The following TMEM117 variants were observed in gnomAD, a reference collection of about 807,000 sequenced individuals.
TMEM117 encodes the protein transmembrane protein 117.
A neutral mutation model predicts 52.4 loss-of-function variants in TMEM117; 27 were observed. That is an observed-to-expected ratio of 0.51 (90% confidence interval 0.38 to 0.71). The LOEUF (loss-of-function observed/expected upper bound fraction) is 0.71, where lower values mean the gene tolerates loss of function less well. Among genes scored for constraint, TMEM117 ranks in the 30% least tolerant of loss-of-function variants. The pLI, the probability that TMEM117 is intolerant of heterozygous loss-of-function variation, is 0.00. For missense variants in TMEM117, 556 were observed against 630.5 expected (o/e 0.88, Z 1.26); for synonymous variants, 215 against 206.3 (o/e 1.04, Z -0.36).
chr12:43,854,739 C>T lies in TMEM117; in HGVS notation c.277+9811C>T, dbSNP rs539287485. Among the ~76,000 whole-genome samples, 6 of 152,034 alleles carry T rather than the reference C, an allele frequency of 3.9e-5. No homozygotes were observed. The South Asian group carries it at 8.3e-4, about 21-fold the overall frequency. On this transcript the variant is annotated intron_variant, in intron 2 of 7. Coordinates refer to ENST00000266534, the MANE Select transcript of TMEM117 (RefSeq NM_032256.3). ...GCAACCTCTGCCTCTCAGGTTCAAG[C>T]GATTCTCCTGCCTCAGCCTCCTGAG...
chr12:44,106,224 G>C (rs972799285), intron 3 of TMEM117, among the ~76,000 whole-genome samples: 2 of 152,010 alleles, frequency 1.3e-5, no homozygotes, highest in Admixed American at 1.3e-4. Flanking sequence ...CTTGCTGTTA[G>C]GATGGTGTAA....
At chr12:44,263,154 T>C (rs1201977763) in intron 5 of TMEM117, among the ~76,000 whole-genome samples, 1 of 152,198 alleles carries the variant, frequency 6.6e-6, no homozygotes, top group East Asian at 1.9e-4. Flanking sequence ...AATAATATCG[T>C]GAAATAAATT....
At position 44,039,960 on chromosome 12, in the gene TMEM117, T is replaced by G. The variant is rs558381785; in HGVS notation, c.410+95618T>G. On this transcript the variant is annotated intron_variant, in intron 3 of 7. Coordinates refer to ENST00000266534, the MANE Select transcript of TMEM117 (RefSeq NM_032256.3). ...AAATAATTTTTTTCCATAAAGGTCT[T>G]TTAAATCTTGTGATAGATTTGTTCT... 2.6e-5 allele frequency among the ~76,000 whole-genome samples: 4 copies of G among 152,312 alleles called. No individual in the cohort carries two copies. The East Asian group carries it at 7.7e-4, about 29-fold the overall frequency.
At chr12:43,990,175 A>G (rs1945914808) in intron 3 of TMEM117, among the ~76,000 whole-genome samples, 1 of 152,184 alleles carries the variant, frequency 6.6e-6, no homozygotes, top group South Asian at 2.1e-4. Context: ...GCAATGGATC[A>G]TCATCCTTTA....
At chr12:44,177,404 A>C (rs903571599) in intron 4 of TMEM117, among the ~76,000 whole-genome samples, 6 of 152,172 alleles carry the variant, frequency 3.9e-5, no homozygotes, top group Admixed American at 3.9e-4. Context: ...GTAAACAATC[A>C]GCTCTTTCCA....
chr12:43,859,649 A>G (rs1238847208), intron 2 of TMEM117, among the ~76,000 whole-genome samples: 1 of 152,178 alleles, frequency 6.6e-6, no homozygotes. Context: ...GCTGGGGTAT[A>G]ACTGACCTCA....
intron 3 of TMEM117, among the ~76,000 whole-genome samples, chr12:44,097,110 A>G (rs1462055699): frequency 6.6e-6 from 1 of 152,242 alleles, no homozygotes; most frequent in Non-Finnish European, 1.5e-5. Flanking sequence ...AAACACATGA[A>G]AAAATGCTCA....
At chr12:44,073,176 T>G (rs1416377053) in intron 3 of TMEM117, among the ~76,000 whole-genome samples, 1 of 152,216 alleles carries the variant, frequency 6.6e-6, no homozygotes, top group Non-Finnish European at 1.5e-5. Flanking sequence ...CTATTCTATA[T>G]TACAAGCTTT....
chr12:44,088,515 G>C (rs1236503931), intron 3 of TMEM117, among the ~76,000 whole-genome samples: 1 of 152,156 alleles, frequency 6.6e-6, no homozygotes, highest in Non-Finnish European at 1.5e-5. Context: ...GGTTAGTTGA[G>C]TTAAATCTAG....
At chr12:44,028,789 G>T (rs919123777) in intron 3 of TMEM117, among the ~76,000 whole-genome samples, 2 of 152,172 alleles carry the variant, frequency 1.3e-5, no homozygotes, top group African/African-American at 4.8e-5. Flanking sequence ...TCATAAACTT[G>T]CCTTCACTTC....
chr12:43,995,848 A>G (rs1946021858), intron 3 of TMEM117, among the ~76,000 whole-genome samples: 1 of 152,222 alleles, frequency 6.6e-6, no homozygotes, highest in Non-Finnish European at 1.5e-5. Flanking sequence ...AACTGATGTG[A>G]TTTTAATGAA....
intron 2 of TMEM117, among the ~76,000 whole-genome samples, chr12:43,903,789 C>A (rs767809964): frequency 5.9e-5 from 9 of 152,080 alleles, no homozygotes; most frequent in Non-Finnish European, 1.0e-4. Context: ...TATGCCTACC[C>A]ATGGTTATCT....
chr12:43,938,815 A>G (rs12305959), intron 2 of TMEM117, among the ~76,000 whole-genome samples: 26,178 of 152,020 alleles, frequency 0.17, 3,449 homozygotes, highest in African/African-American at 0.36. Context: ...CCTGGCCAGC[A>G]TGGTGAAACC....
intron 6 of TMEM117, among the ~76,000 whole-genome samples, chr12:44,310,550 A>G (rs186522670): frequency 3.5e-4 from 53 of 152,338 alleles, no homozygotes; most frequent in Admixed American, 2.9e-3. Flanking sequence ...AGGCAGGAGT[A>G]TAGTTTGAAC....
intron 6 of TMEM117, among the ~76,000 whole-genome samples, chr12:44,348,268 G>GA (rs34586739): frequency 0.015 from 2,166 of 146,296 alleles, 36 homozygotes; most frequent in African/African-American, 0.049. Flanking sequence ...CTTTAAGAAT[G>GA]AAAAAAAAAA....
At chr12:44,040,376 T>G (rs936686863) in intron 3 of TMEM117, among the ~76,000 whole-genome samples, 4 of 152,182 alleles carry the variant, frequency 2.6e-5, no homozygotes, top group African/African-American at 4.8e-5. Context: ...AGAATTCCAC[T>G]GTTTAGTTTC....
chr12:44,311,867 GTATATATATGTATATATGTA>G (rs1950991776), intron 6 of TMEM117, among the ~76,000 whole-genome samples: 1 of 112,464 alleles, frequency 8.9e-6, no homozygotes, highest in Non-Finnish European at 1.7e-5. Flanking sequence ...GTATATATAT[GTATATATATGTATATATGTA>G]TATATATGTG....
chr12:44,267,499 C>T (rs1380218302), intron 5 of TMEM117, among the ~76,000 whole-genome samples: 1 of 152,068 alleles, frequency 6.6e-6, no homozygotes, highest in Non-Finnish European at 1.5e-5. Flanking sequence ...AGTTTGCTCC[C>T]AATTTCTTTA....
chr12:44,354,069 A>G (rs142552068), intron 6 of TMEM117, among the ~76,000 whole-genome samples: 7,808 of 152,188 alleles, frequency 0.051, 196 homozygotes, highest in Admixed American at 0.059. Flanking sequence ...ATTGTGAATG[A>G]GAGTTCACTC....
Sources: gnomAD v4.1 joint callset for allele counts (sites outside exome capture counted in the v4.1 genomes callset) on GRCh38, gnomAD v4.1.1 for gene constraint, MANE v1.5 for transcripts, NCBI Gene and HGNC (gene_info 2026-07-23, HGNC 2026-07-21) for gene names.